SOBP: variants seen among roughly 807,000 people sequenced by gnomAD.
SOBP encodes the protein sine oculis binding protein homolog.
A neutral mutation model predicts 53.6 loss-of-function variants in SOBP; 4 were observed. The ratio of observed to expected loss-of-function variants is 0.07; its 90% CI spans 0.04 to 0.17. SOBP has a LOEUF of 0.17. Ranked by LOEUF, SOBP falls within the 10% of genes least tolerant of loss-of-function variation. The pLI is 1.00. For synonymous variants in SOBP, 584 were observed against 522.6 expected, an observed-to-expected ratio of 1.12 and a Z score of -1.60; for missense variants, 1,088 against 1,204.7, an observed-to-expected ratio of 0.90 and a Z score of 1.43.
intron 3 of SOBP, among the ~76,000 whole-genome samples, chr6:107,518,834 GT>G (rs987781538): frequency 9.5e-5 from 14 of 147,580 alleles, no homozygotes; most frequent in African/African-American, 3.3e-4. Flanking sequence ...GATTTCCATA[GT>G]TTTTAAGAAA....
chr6:107,628,612 A>G (rs750135694), intron 5 of SOBP, among the ~76,000 whole-genome samples: 4 of 152,204 alleles, frequency 2.6e-5, no homozygotes, highest in Non-Finnish European at 5.9e-5. Flanking sequence ...CTAGCACACA[A>G]TCATTAGACT....
chr6:107,526,067 C>A (rs1783652281), intron 3 of SOBP, among the ~76,000 whole-genome samples: 1 of 152,236 alleles, frequency 6.6e-6, no homozygotes, highest in East Asian at 1.9e-4. Context: ...CCTGCCTCAG[C>A]CTCCCAAGTA....
intron 4 of SOBP, among the ~76,000 whole-genome samples, chr6:107,566,368 G>T (rs574485566): frequency 1.1e-3 from 171 of 152,322 alleles, no homozygotes; most frequent in Non-Finnish European, 1.4e-3. Flanking sequence ...TTAATCTGTA[G>T]GAGCCCATTC....
At chr6:107,561,005 C>T (rs991718966) in intron 4 of SOBP, among the ~76,000 whole-genome samples, 20 of 152,132 alleles carry the variant, frequency 1.3e-4, no homozygotes, top group African/African-American at 4.8e-4. Flanking sequence ...CTGATGCATG[C>T]CCTTTCTTCT....
At chr6:107,615,993 G>T (rs1181881254) in intron 5 of SOBP, among the ~76,000 whole-genome samples, 1 of 149,132 alleles carries the variant, frequency 6.7e-6, no homozygotes, top group Non-Finnish European at 1.5e-5. Context: ...CTGCACTCCA[G>T]CCTGGGGTGA....
intron 4 of SOBP, among the ~76,000 whole-genome samples, chr6:107,561,376 A>G (rs1320125274): frequency 9.2e-5 from 14 of 152,186 alleles, no homozygotes; most frequent in Admixed American, 8.5e-4. Context: ...TGTGTGGACA[A>G]TTTCTCCAAC....
chr6:107,583,925 T>C (rs559632455), intron 4 of SOBP, among the ~76,000 whole-genome samples: 4 of 152,332 alleles, frequency 2.6e-5, no homozygotes, highest in Non-Finnish European at 4.4e-5. Context: ...CAATGAACAT[T>C]TACTTTGAGC....
At position 107,505,840 on chromosome 6, in the gene SOBP, G is replaced by A. The variant is rs185469253; in HGVS notation, c.236-402G>A. Among the ~76,000 whole-genome samples, 67 of 151,486 alleles carry A rather than the reference G, an allele frequency of 4.4e-4. 3 individuals carry two copies. In the East Asian group the frequency reaches 0.011, roughly 25 times the overall value. Reference sequence around the variant, plus strand: ...TAAGTTTTGTATTTTTAGTAGAGACGGGCTTTCACCATGTTGGCCAGGCTG... The same window carrying A: ...TAAGTTTTGTATTTTTAGTAGAGACAGGCTTTCACCATGTTGGCCAGGCTG... On this transcript the variant is annotated intron_variant, in intron 2 of 6. Transcript: ENST00000317357.
Position 107,490,536 on chromosome 6 carries a change from T to TCCACCGCCGCCGCCGCCG in SOBP, c.-75_-58dup, listed in dbSNP as rs1782550786. ...CAGCCTCGCCACCATCAGCACCACC[T>TCCACCGCCGCCGCCGCCG]CCACCGCCGCCGCCGCCGCCACCAC... On this transcript the variant is annotated 5_prime_UTR_variant, in exon 1 of 7. Coordinates refer to ENST00000317357, the MANE Select transcript of SOBP (RefSeq NM_018013.4). 1 of 1,014,198 alleles carries TCCACCGCCGCCGCCGCCG rather than the reference T, an allele frequency of 9.9e-7. No individual in the cohort carries two copies. Among genetic ancestry groups the TCCACCGCCGCCGCCGCCG allele is most frequent in the African/African-American group, 1.7e-5 (1 of 59,202 alleles). The allele number at this position is 1,014,198 out of a possible 1,614,324, so 62.8% of individuals were successfully genotyped here.
intron 5 of SOBP, among the ~76,000 whole-genome samples, chr6:107,604,822 T>C (rs1305720485): frequency 1.3e-5 from 2 of 152,224 alleles, no homozygotes; most frequent in African/African-American, 4.8e-5. Context: ...CAGCAGGCAG[T>C]GGCATGTGTG....
intron 3 of SOBP, among the ~76,000 whole-genome samples, chr6:107,518,223 T>C (rs921800361): frequency 6.6e-6 from 1 of 152,144 alleles, no homozygotes; most frequent in Admixed American, 6.5e-5. Context: ...ATCCAAGTTA[T>C]CAGTAAACAT....
intron 3 of SOBP, chr6:107,529,664 G>A: frequency 1.0e-6 from 1 of 963,728 alleles, no homozygotes; most frequent in Non-Finnish European, 1.2e-6. Flanking sequence ...GAAGATCACT[G>A]ACCAATGGCC....
intron 6 of SOBP, among the ~76,000 whole-genome samples, chr6:107,638,516 C>G (rs1364508240): frequency 6.6e-6 from 1 of 152,146 alleles, no homozygotes; most frequent in African/African-American, 2.4e-5. Context: ...CAGGCCCCTT[C>G]CTGTTTTTTT....
intron 5 of SOBP, among the ~76,000 whole-genome samples, chr6:107,610,705 G>A (rs747836512): frequency 7.9e-5 from 12 of 152,092 alleles, no homozygotes; most frequent in African/African-American, 2.9e-4. Context: ...ATAACCTAAA[G>A]CAATAGTACC....
rs764531090 is a variant in SOBP, at chr6:107,635,432, G to A, written c.2588G>A (p.Arg863Lys). ...GPEDLEPPLK[R>K]RCLRIRNQNK ...GAGGACCTGGAGCCGCCGCTCAAAA[G>A]GAGGTGCCTCCGAATTAGAAATCAG... Residue 863 changes from arginine to lysine, a missense_variant, in exon 6 of 7, where the codon AGG (arginine) becomes AAG (lysine). Arg to Lys is a conservative substitution (Grantham distance 26, BLOSUM62 2). Around this residue, in one of 6 missense-constraint regions of SOBP, gnomAD observed 665 missense variants for 629.7 expected, o/e 1.06. Coordinates refer to ENST00000317357, the MANE Select transcript of SOBP (RefSeq NM_018013.4). This position sits in a 1 kb window ranked among gnomAD's most constrained non-coding sequence, Gnocchi z 4.5. The A allele has an allele frequency of 6.2e-7, 1 of 1,613,590 alleles. No individual in the cohort carries two copies. Among genetic ancestry groups the A allele is most frequent in the Non-Finnish European group, 8.5e-7 (1 of 1,180,028 alleles).
chr6:107,595,671 A>G (rs1212478408), intron 5 of SOBP, among the ~76,000 whole-genome samples: 5 of 152,204 alleles, frequency 3.3e-5, no homozygotes, highest in Non-Finnish European at 7.4e-5. Flanking sequence ...AGCCAGAACT[A>G]ATATTAATCA....
intron 4 of SOBP, among the ~76,000 whole-genome samples, chr6:107,567,475 A>T (rs1784952627): frequency 6.6e-6 from 1 of 152,152 alleles, no homozygotes; most frequent in Admixed American, 6.5e-5. Context: ...GTATATACCT[A>T]ATCTTAACCA....
At chr6:107,500,664 G>T (rs925241337) in intron 1 of SOBP, among the ~76,000 whole-genome samples, 14 of 151,644 alleles carry the variant, frequency 9.2e-5, no homozygotes, top group African/African-American at 3.1e-4. Context: ...TGGGACTACA[G>T]GCGCCCGCCA....
At chr6:107,618,494 A>G (rs1319956565) in intron 5 of SOBP, among the ~76,000 whole-genome samples, 1 of 152,228 alleles carries the variant, frequency 6.6e-6, no homozygotes, top group Non-Finnish European at 1.5e-5. Context: ...AAGAGATAAA[A>G]TGATCAACAT....
Sources: allele counts gnomAD v4.1 joint callset (sites outside exome capture counted in the v4.1 genomes callset), GRCh38; gene constraint gnomAD v4.1.1; regional missense constraint gnomAD v4.1.1; non-coding constraint Gnocchi (gnomAD v3.1); transcripts MANE v1.5; gene names NCBI Gene and HGNC (gene_info 2026-07-23, HGNC 2026-07-21).